Variants in PKIB observed in about 807,000 individuals in gnomAD.
The protein encoded by PKIB is PKI-beta.
Under a neutral mutation model 4.5 loss-of-function variants are expected in PKIB, and 2 were observed. That is an observed-to-expected ratio of 0.44 (90% CI 0.18 to 1.39). The LOEUF is 1.39. PKIB is among the 40% of genes most tolerant of loss of function. The pLI, the probability that PKIB is intolerant of heterozygous loss-of-function variation, is 0.27. For synonymous variants in PKIB, 38 were observed against 36.0 expected (o/e 1.06, Z -0.20); for missense variants, 94 against 92.6 (o/e 1.02, Z -0.06).
intron 3 of PKIB, among the ~76,000 whole-genome samples, chr6:122,689,889 C>A (rs1379947875): frequency 6.6e-6 from 1 of 152,064 alleles, no homozygotes; most frequent in Admixed American, 6.6e-5. Flanking sequence ...GGGAGTCTAT[C>A]TCTCTCTCCA....
At position 122,636,629 on chromosome 6, in the gene PKIB, T is replaced by C. The variant is rs17084674; in HGVS notation, c.-76+3262T>C. Reference sequence around the variant, plus strand: ...TGAGAATAATAGATGTTGTACACGTTAGCTTCCTCAAATTAATTTATAAAG... The same window carrying C: ...TGAGAATAATAGATGTTGTACACGTCAGCTTCCTCAAATTAATTTATAAAG... On this transcript the variant is annotated intron_variant, in intron 2 of 4. Transcript: ENST00000368452. 1.8e-3 allele frequency among the ~76,000 whole-genome samples: 277 copies of C among 152,222 alleles called. 6 individuals carry two copies. In the East Asian group the frequency reaches 0.037, roughly 20 times the overall value.
intron 3 of PKIB, among the ~76,000 whole-genome samples, chr6:122,703,931 TATATATATATAGAG>T (rs1418116720): frequency 1.6e-4 from 20 of 124,574 alleles, no homozygotes; most frequent in African/African-American, 5.5e-4. Context: ...TGTATATATA[TATATATATATAGAG>T]AGAGAGAGAG....
chr6:122,695,402 C>T lies in PKIB; in HGVS notation c.-9+20258C>T, dbSNP rs187448637. ...ACATTATTGTATTGTATGTGTATTA[C>T]GTAATAATAGGTATAGAGAACAAAA... On this transcript the variant is annotated intron_variant, in intron 3 of 4. Coordinates refer to ENST00000368452, the MANE Select transcript of PKIB (RefSeq NM_181795.3). Among the ~76,000 whole-genome samples the T allele has an allele frequency of 2.9e-4, 43 of 146,072 alleles. No homozygotes were observed. The East Asian group carries it at 3.5e-3, about 12-fold the overall frequency.
At chr6:122,623,234 T>C (rs1775309786) in intron 1 of PKIB, among the ~76,000 whole-genome samples, 1 of 152,218 alleles carries the variant, frequency 6.6e-6, no homozygotes, top group South Asian at 2.1e-4. Context: ...TCACGTCTTA[T>C]TTTATTTTTA....
At chr6:122,598,850 T>G (rs934176515) in intron 3 of PKIB, among the ~76,000 whole-genome samples, 11 of 152,084 alleles carry the variant, frequency 7.2e-5, no homozygotes, top group Non-Finnish European at 2.9e-5. Flanking sequence ...CAATGCAGAG[T>G]CCCTACTTAG....
At chr6:122,600,728 A>C (rs1224233755) in intron 3 of PKIB, among the ~76,000 whole-genome samples, 2 of 152,206 alleles carry the variant, frequency 1.3e-5, no homozygotes, top group East Asian at 3.9e-4. Flanking sequence ...AGAAAAACAA[A>C]AATATCTATC....
chr6:122,520,146 C>G (rs963850613), intron 2 of PKIB, among the ~76,000 whole-genome samples: 3 of 152,156 alleles, frequency 2.0e-5, no homozygotes, highest in Non-Finnish European at 4.4e-5. Context: ...GGCACTGTAT[C>G]TGTACCACAT....
rs1308914460 is a variant in PKIB, at chr6:122,707,481, G to A, written c.-8-10306G>A. Among the ~76,000 whole-genome samples, 6 of 151,910 alleles carry A rather than the reference G, an allele frequency of 3.9e-5. No individual in the cohort carries two copies. In the South Asian group the frequency reaches 8.3e-4, roughly 21 times the overall value. On this transcript the variant is annotated intron_variant, in intron 3 of 4. Transcript: ENST00000368452. ...TGAAATAGAAGAAAAAGACACTACC[G>A]AAACTGTGGGTGCATTTAAAAAAGC...
chr6:122,693,552 A>C (rs1435983498), intron 3 of PKIB, among the ~76,000 whole-genome samples: 1 of 152,234 alleles, frequency 6.6e-6, no homozygotes, highest in Non-Finnish European at 1.5e-5. Context: ...TGGTTCAGAC[A>C]TGCTGCCTAA....
chr6:122,698,517 G>A (rs1778666814), intron 3 of PKIB, among the ~76,000 whole-genome samples: 1 of 152,140 alleles, frequency 6.6e-6, no homozygotes, highest in African/African-American at 2.4e-5. Context: ...GCCAGTAATT[G>A]CCACTGTAAT....
intron 2 of PKIB, among the ~76,000 whole-genome samples, chr6:122,674,637 G>A (rs900888815): frequency 1.3e-5 from 2 of 152,150 alleles, no homozygotes; most frequent in African/African-American, 4.8e-5. Flanking sequence ...TACTTATGGA[G>A]GGTGCAGAAG....
chr6:122,558,326 A>G (rs1326618215), intron 2 of PKIB, among the ~76,000 whole-genome samples: 1 of 152,170 alleles, frequency 6.6e-6, no homozygotes, highest in Non-Finnish European at 1.5e-5. Context: ...ATGCCAGTGG[A>G]TTAAGAATAT....
At chr6:122,519,134 C>A (rs138339581) in intron 2 of PKIB, among the ~76,000 whole-genome samples, 2 of 152,072 alleles carry the variant, frequency 1.3e-5, no homozygotes, top group African/African-American at 4.8e-5. Context: ...GGTGAGCAAG[C>A]GTTACTGCCT....
At chr6:122,692,306 A>T (rs867109562) in intron 3 of PKIB, among the ~76,000 whole-genome samples, 4 of 151,974 alleles carry the variant, frequency 2.6e-5, no homozygotes, top group Admixed American at 6.5e-5. Context: ...CATTGAGTGA[A>T]TTCAGAGATG....
chr6:122,604,615 G>T (rs962834847), intron 3 of PKIB, among the ~76,000 whole-genome samples: 13 of 152,242 alleles, frequency 8.5e-5, no homozygotes, highest in Admixed American at 8.5e-4. Context: ...TAAATGTTGG[G>T]CTTAATTTCG....
intron 4 of PKIB, among the ~76,000 whole-genome samples, chr6:122,724,021 A>G (rs915812986): frequency 1.3e-5 from 2 of 152,234 alleles, no homozygotes; most frequent in Admixed American, 6.5e-5. Flanking sequence ...AGAACTGAAT[A>G]GAGTCCATCA....
At chr6:122,619,470 G>GC (rs774150661) in intron 1 of PKIB, among the ~76,000 whole-genome samples, 6 of 150,962 alleles carry the variant, frequency 4.0e-5, no homozygotes, top group Non-Finnish European at 8.8e-5. Context: ...CCTCCCCATT[G>GC]ATTTGAATAG....
chr6:122,571,684 T>C (rs1277288506), intron 2 of PKIB, among the ~76,000 whole-genome samples: 1 of 152,200 alleles, frequency 6.6e-6, no homozygotes, highest in African/African-American at 2.4e-5. Context: ...CAACAAATGC[T>C]GAGGAAATTT....
At chr6:122,663,541 C>T (rs772280998) in intron 2 of PKIB, among the ~76,000 whole-genome samples, 4 of 152,160 alleles carry the variant, frequency 2.6e-5, no homozygotes, top group Non-Finnish European at 4.4e-5. Context: ...GTTGCCAGGG[C>T]CATGCTCCCT....
Sources: gnomAD v4.1 joint callset for allele counts (sites outside exome capture counted in the v4.1 genomes callset) on GRCh38, gnomAD v4.1.1 for gene constraint, MANE v1.5 for transcripts, NCBI Gene and HGNC (gene_info 2026-07-23, HGNC 2026-07-21) for gene names.